PBRM1: variants seen among roughly 807,000 people sequenced by gnomAD.
The protein encoded by PBRM1 is polybromo 1, also known as protein polybromo-1.
In PBRM1, 27 loss-of-function variants were observed where a neutral mutation model predicts 194.5. That is an observed-to-expected ratio of 0.14 (90% CI 0.10 to 0.19). The LOEUF (loss-of-function observed/expected upper bound fraction) is 0.19, where lower values mean the gene tolerates loss of function less well. PBRM1 is among the 10% of genes least tolerant of loss of function. The pLI is 1.00. For synonymous variants in PBRM1, 655 were observed against 693.2 expected (o/e 0.94, Z 0.87); for missense variants, 1,466 against 2,077.2 (o/e 0.71, Z 5.72).
chr3:52,653,970 T>A (rs1204575389), intron 5 of PBRM1, among the ~76,000 whole-genome samples: 1 of 152,182 alleles, frequency 6.6e-6, no homozygotes, highest in Non-Finnish European at 1.5e-5. Flanking sequence ...TACTAGGTCA[T>A]CCCAAGAAAT....
intron 8 of PBRM1, among the ~76,000 whole-genome samples, chr3:52,644,091 A>C (rs1447696726): frequency 6.6e-6 from 1 of 151,776 alleles, no homozygotes; most frequent in Non-Finnish European, 1.5e-5. Context: ...ATATATAAAT[A>C]CCATACTATT....
chr3:52,639,825 C>A (rs2096001251), intron 10 of PBRM1, among the ~76,000 whole-genome samples: 1 of 151,670 alleles, frequency 6.6e-6, no homozygotes, highest in Non-Finnish European at 1.5e-5. Flanking sequence ...CCTGCCTCAG[C>A]CTCTAAAAGT....
At chr3:52,590,217 C>T (rs4336110) in intron 17 of PBRM1, among the ~76,000 whole-genome samples, 51,200 of 151,370 alleles carry the variant, frequency 0.34, 9,650 homozygotes, top group Admixed American at 0.46. Context: ...TTTGGGAGGC[C>T]GAGGCGGGCG....
intron 10 of PBRM1, among the ~76,000 whole-genome samples, chr3:52,641,446 C>CAAAAA (rs386396638): frequency 1.0e-4 from 7 of 69,906 alleles, no homozygotes; most frequent in Admixed American, 1.8e-4. Context: ...GACTCCATCT[C>CAAAAA]AAAAAAAAAA....
chr3:52,634,456 A>T, intron 11 of PBRM1, 146 bp downstream of exon 12: 2 of 538,616 alleles, frequency 3.7e-6, no homozygotes, highest in East Asian at 3.1e-5. Context: ...AAAAAAAAAA[A>T]GGTAATGAAC....
exon 24 of PBRM1, chr3:52,563,298 G>A (rs1559889754): frequency 6.2e-7 from 1 of 1,613,704 alleles, no homozygotes; most frequent in East Asian, 2.2e-5. Flanking sequence ...GGGGTGTGTA[G>A]GGCATGAGGT....
At chr3:52,605,248 G>C (rs545143082) in intron 16 of PBRM1, among the ~76,000 whole-genome samples, 1 of 152,198 alleles carries the variant, frequency 6.6e-6, no homozygotes, top group African/African-American at 2.4e-5. Flanking sequence ...GGTGCTCCCT[G>C]TGTTGCCCAG....
intron 6 of PBRM1, 56 bp from the exon 8 acceptor site, chr3:52,648,498 C>G (rs2096392695): frequency 2.2e-6 from 2 of 921,616 alleles, no homozygotes; most frequent in African/African-American, 1.7e-5. Flanking sequence ...ATCAGTACAA[C>G]CTTTAAAAAA....
At chr3:52,629,101 G>A in intron 11 of PBRM1, 66 bp from the exon 13 acceptor site, 1 of 1,284,156 alleles carries the variant, frequency 7.8e-7, no homozygotes, top group Admixed American at 2.2e-5. Context: ...CTTCCTGAAA[G>A]TCCAATGCAA....
At chr3:52,644,519 T>G (rs74827151) in intron 8 of PBRM1, among the ~76,000 whole-genome samples, 185 bp downstream of exon 9, 1 of 151,786 alleles carries the variant, frequency 6.6e-6, no homozygotes, top group African/African-American at 2.4e-5. Flanking sequence ...CAAGTAGCTG[T>G]GACTACAGGC....
chr3:52,595,577 T>C (rs766983105), intron 17 of PBRM1, among the ~76,000 whole-genome samples: 9 of 152,352 alleles, frequency 5.9e-5, no homozygotes, highest in Middle Eastern at 3.4e-3. Flanking sequence ...TGGTAACTAA[T>C]CCATTGTGAG....
intron 20 of PBRM1, among the ~76,000 whole-genome samples, chr3:52,581,384 C>A (rs1576044693): frequency 6.6e-6 from 1 of 152,096 alleles, no homozygotes; most frequent in East Asian, 1.9e-4. Flanking sequence ...ATGGTGCGCG[C>A]CTGTAGTCCC....
downstream of PBRM1, chr3:52,545,850 A>AT (rs574964096): frequency 2.2e-3 from 519 of 231,586 alleles, 1 homozygote; most frequent in South Asian, 5.5e-3. Context: ...TCTTGAGTCA[A>AT]TTTTTTTTTC....
chr3:52,669,237 GGA>G (rs1491567914), intron 2 of PBRM1, among the ~76,000 whole-genome samples: 1 of 129,636 alleles, frequency 7.7e-6, no homozygotes, highest in Non-Finnish European at 1.8e-5. Context: ...CAAACTCTTC[GGA>G]AAAAAAAAAC....
intron 6 of PBRM1, among the ~76,000 whole-genome samples, 160 bp downstream of exon 7, chr3:52,651,581 TC>T (rs1318690378): frequency 6.6e-6 from 1 of 152,338 alleles, no homozygotes; most frequent in East Asian, 1.9e-4. Context: ...TAAGATGCAA[TC>T]CAAAGCTACA....
intron 13 of PBRM1, 131 bp from the exon 16 acceptor site, chr3:52,617,669 C>T (rs2095035377): frequency 1.5e-6 from 1 of 659,490 alleles, no homozygotes; most frequent in East Asian, 2.9e-5. Flanking sequence ...TTACATATGC[C>T]ACAAACACAG....
chr3:52,551,409 G>T (rs2080964348), intron 27 of PBRM1, among the ~76,000 whole-genome samples: 1 of 152,182 alleles, frequency 6.6e-6, no homozygotes, highest in Non-Finnish European at 1.5e-5. Flanking sequence ...CTCTGAAAAG[G>T]AATCATCTGA....
intron 17 of PBRM1, among the ~76,000 whole-genome samples, chr3:52,593,504 T>C (rs1364717235): frequency 6.6e-6 from 1 of 152,224 alleles, no homozygotes; most frequent in Non-Finnish European, 1.5e-5. Flanking sequence ...CCCAAAATGC[T>C]TGGATTATAG....
At chr3:52,604,165 T>C (rs1382981560) in intron 16 of PBRM1, among the ~76,000 whole-genome samples, 1 of 152,214 alleles carries the variant, frequency 6.6e-6, no homozygotes, top group Non-Finnish European at 1.5e-5. Flanking sequence ...ATAGGCTCTA[T>C]TTTCTTCCTT....
Sources: allele counts gnomAD v4.1 joint callset (sites outside exome capture counted in the v4.1 genomes callset), GRCh38; gene constraint gnomAD v4.1.1; transcripts MANE v1.5; gene names NCBI Gene and HGNC (gene_info 2026-07-23, HGNC 2026-07-21).